Variants in ADCY10 observed in about 807,000 individuals in gnomAD.
ADCY10 encodes adenylate cyclase type 10.
In ADCY10, 156 loss-of-function variants were observed where a neutral mutation model predicts 183.3. That is an observed-to-expected ratio of 0.85 (90% confidence interval 0.75 to 0.97). The LOEUF is 0.97. Among genes scored for constraint, ADCY10 ranks in the 50% least tolerant of loss-of-function variants. The probability of loss-of-function intolerance (pLI) is 0.00; values close to 1 mark genes in which losing one functional copy is unlikely to be tolerated. For synonymous variants in ADCY10, 645 were observed against 670.0 expected (o/e 0.96, Z 0.58); for missense variants, 1,745 against 1,934.3 (o/e 0.90, Z 1.84).
intron 17 of ADCY10, among the ~76,000 whole-genome samples, chr1:167,855,867 G>A (rs770076394): frequency 3.9e-5 from 6 of 152,032 alleles, no homozygotes; most frequent in African/African-American, 9.7e-5. Flanking sequence ...AAAATTTACC[G>A]GAGGTGCACA....
intron 13 of ADCY10, among the ~76,000 whole-genome samples, chr1:167,873,155 G>C (rs1667224584): frequency 6.6e-6 from 1 of 152,134 alleles, no homozygotes; most frequent in Non-Finnish European, 1.5e-5. Context: ...AGAAGGTTAG[G>C]ATTCTGTTGC....
chr1:167,839,544 CT>C (rs776470099), intron 21 of ADCY10, among the ~76,000 whole-genome samples: 5 of 152,132 alleles, frequency 3.3e-5, no homozygotes, highest in Non-Finnish European at 7.4e-5. Context: ...TAGCTAGGTC[CT>C]TATTATATGC....
At chr1:167,811,032 ATACAT>A in intron 31 of ADCY10, 119 bp from the exon 32 acceptor site, 1 of 948,048 alleles carries the variant, frequency 1.1e-6, no homozygotes, top group Non-Finnish European at 1.6e-6. Flanking sequence ...AAGTGAGAAA[ATACAT>A]TATAGAGACA....
chr1:167,873,147 A>C (rs1667223991), intron 13 of ADCY10, among the ~76,000 whole-genome samples: 1 of 152,134 alleles, frequency 6.6e-6, no homozygotes, highest in Non-Finnish European at 1.5e-5. Flanking sequence ...TTGTAGAAAG[A>C]AGGTTAGGAT....
chr1:167,813,834 G>C (rs1014830757), intron 31 of ADCY10, among the ~76,000 whole-genome samples: 15 of 152,098 alleles, frequency 9.9e-5, no homozygotes, highest in African/African-American at 3.6e-4. Context: ...GGCATATAAT[G>C]TACAAAAATG....
Position 167,845,640 on chromosome 1 carries a change from T to G in ADCY10, c.2930A>C (p.His977Pro), listed in dbSNP as rs1366576950. The G allele has an allele frequency of 6.2e-6, 10 of 1,614,250 alleles. No homozygotes were observed. The highest frequency in any genetic ancestry group is 8.5e-6 in the Non-Finnish European group (10 of 1,180,040). ...CRGRDFIPYH[H>P]FTVNIRLNAL... ...GTTGAGCCGAATATTCACTGTGAAG[T>G]GATGATAGGGAATGAAGTCCCTGCC... Residue 977 changes from histidine to proline, a missense_variant, in exon 21 of 33, where the codon CAC becomes CCC. Coordinates refer to ENST00000367851, the MANE Select transcript of ADCY10 (RefSeq NM_018417.6).
intron 22 of ADCY10, 124 bp downstream of exon 22, chr1:167,837,125 C>G: frequency 1.2e-6 from 1 of 829,508 alleles, no homozygotes; most frequent in South Asian, 1.4e-5. Flanking sequence ...TGCATACCCC[C>G]CAAAGTTTCC....
In ADCY10 at chr1:167,891,117, G is replaced by A. The variant is rs183282040; in HGVS notation, c.828+2736C>T. Reference sequence around the variant, plus strand: ...GCTGGGATTACAGGTGTGTGCCACCGCGCCTGGCTAATTTTTGTATTTTTA... The same window carrying A: ...GCTGGGATTACAGGTGTGTGCCACCACGCCTGGCTAATTTTTGTATTTTTA... On this transcript the variant is annotated intron_variant, in intron 8 of 32. Transcript: ENST00000367851. 8.1e-3 allele frequency among the ~76,000 whole-genome samples: 1,229 copies of A among 151,884 alleles called. 11 individuals are homozygous for A. Among genetic ancestry groups the A allele is most frequent in the African/African-American group, 0.028 (1,167 of 41,462 alleles).
intron 8 of ADCY10, among the ~76,000 whole-genome samples, chr1:167,892,665 A>G (rs1400315667): frequency 6.6e-6 from 1 of 152,118 alleles, no homozygotes; most frequent in Non-Finnish European, 1.5e-5. Flanking sequence ...ACTAGGGGTA[A>G]TGTTTTTACA....
rs759511036 is a variant in ADCY10 at position 167,836,293 on chromosome 1, G to A, written c.3309+16C>T. The stretch of plus-strand genomic sequence containing the variant: ...TTGTCTCTAGGGTGGAGGTGGTCTG[G>A]GTAGAAACAGCTTACCATGTAGTTA... On this transcript the variant is annotated intron_variant, in intron 23 of 32. Coordinates refer to ENST00000367851, the MANE Select transcript of ADCY10 (RefSeq NM_018417.6). The A allele has an allele frequency of 5.7e-5, 89 of 1,557,980 alleles. 1 individual carries two copies. The Admixed American group carries it at 1.1e-3, about 19-fold the overall frequency.
rs117100283 is a variant in ADCY10 at position 167,834,856 on chromosome 1, C to A, written c.3310-779G>T. Among the ~76,000 whole-genome samples the A allele has an allele frequency of 5.7e-3, 869 of 152,248 alleles. 16 individuals carry two copies. Among genetic ancestry groups the A allele is most frequent in the East Asian group, 0.04 (206 of 5,176 alleles). On this transcript the variant is annotated intron_variant, in intron 23 of 32. Transcript: ENST00000367851. ...ATCATTGTCTTCTTGTCAAGTGAAA[C>A]GGGGTATGCATAGGTTTTAGAAAGT...
At chr1:167,905,338 A>C in intron 1 of ADCY10, 140 bp from the exon 2 acceptor site, 1 of 685,778 alleles carries the variant, frequency 1.5e-6, no homozygotes, top group Non-Finnish European at 2.5e-6. Flanking sequence ...CACACTTCAA[A>C]AGGGCCAATT....
At chr1:167,906,969 CTTT>C (rs1669864837) in intron 1 of ADCY10, among the ~76,000 whole-genome samples, 1 of 152,102 alleles carries the variant, frequency 6.6e-6, no homozygotes. Flanking sequence ...TACCATACAC[CTTT>C]TCTTTTGTTT....
Position 167,809,411 on chromosome 1 carries a change from T to C in ADCY10, c.*267A>G. 1 of 435,898 alleles carries C rather than the reference T, an allele frequency of 2.3e-6. No individual in the cohort carries two copies. The allele number at this position is 435,898 out of a possible 1,614,324, so 27.0% of individuals were successfully genotyped here. ...TTGAGATTAATAATTTGTAATATGA[T>C]ACAGTTTTGCATGGGCTGAAATAAA... On this transcript the variant is annotated 3_prime_UTR_variant, in exon 33 of 33. Coordinates refer to ENST00000367851, the MANE Select transcript of ADCY10 (RefSeq NM_018417.6).
intron 30 of ADCY10, chr1:167,820,311 A>AG (rs1266939533): frequency 8.6e-7 from 1 of 1,160,774 alleles, no homozygotes; most frequent in Non-Finnish European, 1.2e-6. Flanking sequence ...GTCTCTGGGA[A>AG]GGGGACTAGC....
intron 14 of ADCY10, among the ~76,000 whole-genome samples, chr1:167,865,336 A>G (rs1350325012): frequency 3.3e-5 from 5 of 152,360 alleles, no homozygotes; most frequent in African/African-American, 1.2e-4. Context: ...ATAAAAAGGT[A>G]TCATCCAGTT....
chr1:167,829,554 C>A, intron 25 of ADCY10, 131 bp from the exon 26 acceptor site: 1 of 973,936 alleles, frequency 1.0e-6, no homozygotes. Context: ...AGGCCTGTCT[C>A]CATGACTGAC....
chr1:167,817,174 G>T (rs1662582204), intron 31 of ADCY10, among the ~76,000 whole-genome samples: 1 of 152,104 alleles, frequency 6.6e-6, no homozygotes. Flanking sequence ...GACCAGCCTG[G>T]CTAATGTGGT....
At position 167,859,842 on chromosome 1, in the gene ADCY10, G is replaced by A; in HGVS notation, c.1861C>T (p.Gln621Ter). 6 of 1,613,680 alleles carry A rather than the reference G, an allele frequency of 3.7e-6. No homozygotes were observed. The highest frequency in any genetic ancestry group is 5.1e-6 in the Non-Finnish European group (6 of 1,179,690). Residue 621 changes from glutamine to a stop codon, truncating the protein, a stop_gained, in exon 16 of 33, where the codon CAA becomes TAA. Transcript: ENST00000367851. LOFTEE classifies it high-confidence loss of function. ...SRMSTLKKQK[Q>*]LEILFMKILK... The stretch of plus-strand genomic sequence containing the variant: ...ATCTTCATAAACAATATTTCCAATT[G>A]TTTTTGCTTTTTCAAGGTGCTCATC...
Sources: gnomAD v4.1 joint callset for allele counts (sites outside exome capture counted in the v4.1 genomes callset) on GRCh38, gnomAD v4.1.1 for gene constraint, MANE v1.5 for transcripts, NCBI Gene and HGNC (gene_info 2026-07-23, HGNC 2026-07-21) for gene names.